The following NAALADL2 variants were observed in gnomAD, a reference collection of about 807,000 sequenced individuals.
NAALADL2 encodes N-acetylated alpha-linked acidic dipeptidase like 2.
In NAALADL2, 76 loss-of-function variants were observed where a neutral mutation model predicts 87.2. That is an observed-to-expected ratio of 0.87 (90% CI 0.72 to 1.05). The LOEUF is 1.05. Ranked by LOEUF, NAALADL2 falls within the 50% of genes least tolerant of loss-of-function variation. NAALADL2 has a pLI of 0.00. For synonymous variants in NAALADL2, 354 were observed against 331.0 expected (o/e 1.07, Z -0.75); for missense variants, 1,089 against 945.8 (o/e 1.15, Z -1.99).
chr3:174,450,204 G>A (rs751748062), intron 1 of NAALADL2, among the ~76,000 whole-genome samples: 22 of 152,280 alleles, frequency 1.4e-4, no homozygotes, highest in Non-Finnish European at 1.9e-4. Context: ...TCTAGGTCCT[G>A]CTGCTTGCCA....
chr3:175,239,170 A>G (rs1560212272), intron 3 of NAALADL2, among the ~76,000 whole-genome samples: 4 of 152,178 alleles, frequency 2.6e-5, no homozygotes, highest in Non-Finnish European at 4.4e-5. Context: ...AGTTTACCCC[A>G]TCATAATGAC....
chr3:175,474,322 AT>A (rs1320871987), intron 9 of NAALADL2, among the ~76,000 whole-genome samples: 1 of 152,176 alleles, frequency 6.6e-6, no homozygotes, highest in African/African-American at 2.4e-5. Flanking sequence ...ACTGCATTTA[AT>A]TTTTTATAAG....
At chr3:174,785,400 C>T (rs1033128344) in intron 3 of NAALADL2, among the ~76,000 whole-genome samples, 1 of 152,130 alleles carries the variant, frequency 6.6e-6, no homozygotes, top group Non-Finnish European at 1.5e-5. Flanking sequence ...AAATAAGGAG[C>T]TCTTTCACCA....
intron 4 of NAALADL2, among the ~76,000 whole-genome samples, chr3:175,287,040 C>T (rs11916945): frequency 0.59 from 88,050 of 149,808 alleles, 27,471 homozygotes; most frequent in African/African-American, 0.8. Context: ...GGCCAGCAGG[C>T]TGAGGCTGCA....
At chr3:174,550,105 T>C (rs1274840599) in intron 1 of NAALADL2, among the ~76,000 whole-genome samples, 2 of 152,130 alleles carry the variant, frequency 1.3e-5, no homozygotes, top group Non-Finnish European at 2.9e-5. Flanking sequence ...AATTTTCAGA[T>C]TGGTTAAATG....
chr3:174,696,125 C>A (rs565334), intron 2 of NAALADL2, among the ~76,000 whole-genome samples: 65,111 of 151,794 alleles, frequency 0.43, 14,842 homozygotes, highest in East Asian at 0.73. Flanking sequence ...GATATGTTAC[C>A]TAATTCTGGA....
chr3:175,579,012 A>G (rs1232783315), intron 10 of NAALADL2, among the ~76,000 whole-genome samples: 1 of 152,206 alleles, frequency 6.6e-6, no homozygotes. Flanking sequence ...TGGCCCCTGT[A>G]GGGACTGAGC....
intron 1 of NAALADL2, among the ~76,000 whole-genome samples, chr3:174,986,110 TAGC>T (rs1560443831): frequency 6.6e-6 from 1 of 151,774 alleles, no homozygotes; most frequent in Admixed American, 6.6e-5. Context: ...TTTGAAATCT[TAGC>T]AGGTTATATA....
At chr3:174,874,340 C>T (rs547183937) in intron 1 of NAALADL2, among the ~76,000 whole-genome samples, 1 of 152,298 alleles carries the variant, frequency 6.6e-6, no homozygotes, top group South Asian at 2.1e-4. Flanking sequence ...ACTACAGTCT[C>T]CCCTACTGAT....
chr3:175,755,549 G>T, intron 13 of NAALADL2, 131 bp downstream of exon 13: 3 of 569,616 alleles, frequency 5.3e-6, no homozygotes, highest in Non-Finnish European at 8.2e-6. Flanking sequence ...CTCATTTGAG[G>T]AACTTCCCCC....
In NAALADL2 at chr3:175,575,962, A is replaced by G; in HGVS notation, c.1654-79A>G. 3.4e-6 allele frequency: 4 copies of G among 1,177,070 alleles called. No individual in the cohort carries two copies. The South Asian group carries it at 6.1e-5, about 18-fold the overall frequency. The allele number at this position is 1,177,070 out of a possible 1,614,324, so 72.9% of individuals were successfully genotyped here. A position where few individuals can be genotyped will look rare whatever the true frequency, so the allele number is the denominator to read the frequency against. The stretch of plus-strand genomic sequence containing the variant: ...AGACATTGATGCTGCTGATCTGTGG[A>G]CCATGTTTTGAGTAGCACTGATCTA... On this transcript the variant is annotated intron_variant, in intron 9 of 13. Coordinates refer to ENST00000454872, the MANE Select transcript of NAALADL2 (RefSeq NM_207015.3).
At chr3:175,350,377 T>C (rs952078860) in intron 5 of NAALADL2, among the ~76,000 whole-genome samples, 3 of 152,042 alleles carry the variant, frequency 2.0e-5, no homozygotes, top group African/African-American at 7.2e-5. Context: ...TGAGGGAAAA[T>C]GAGAAGTGTA....
intron 6 of NAALADL2, among the ~76,000 whole-genome samples, chr3:175,450,870 G>T (rs900015227): frequency 6.6e-6 from 1 of 152,298 alleles, no homozygotes; most frequent in Admixed American, 6.5e-5. Context: ...GTAATGACTT[G>T]CTTCATCATT....
chr3:175,625,969 C>T (rs548526889), intron 10 of NAALADL2, among the ~76,000 whole-genome samples: 2 of 152,066 alleles, frequency 1.3e-5, no homozygotes, highest in Admixed American at 1.3e-4. Flanking sequence ...TTGCTACTAA[C>T]CCTATGTGAC....
At chr3:175,363,404 A>T (rs1388890934) in intron 5 of NAALADL2, among the ~76,000 whole-genome samples, 3 of 147,776 alleles carry the variant, frequency 2.0e-5, no homozygotes, top group Non-Finnish European at 4.5e-5. Context: ...CTTTCTATTT[A>T]AACATAAAAT....
Position 175,576,039 on chromosome 3 carries a change from AG to A in NAALADL2, c.1654-1del. Reference sequence around the variant, plus strand: ...GTTAACAATTTAAATTATGTTTTTCAGAAAAATAATTTCAACTGTACCAGAA... The same window carrying A: ...GTTAACAATTTAAATTATGTTTTTCAAAAAATAATTTCAACTGTACCAGAA... On this transcript the variant is annotated splice_acceptor_variant, in intron 9 of 13. Transcript: ENST00000454872. LOFTEE classifies it high-confidence loss of function. 1 of 1,609,414 alleles carries A rather than the reference AG, an allele frequency of 6.2e-7. No individual in the cohort carries two copies. Among genetic ancestry groups the A allele is most frequent in the South Asian group, 1.1e-5 (1 of 90,396 alleles).
intron 9 of NAALADL2, among the ~76,000 whole-genome samples, chr3:175,527,980 T>C: frequency 6.6e-6 from 1 of 152,124 alleles, no homozygotes. Context: ...TTGTTGATTC[T>C]CAAGAGATAA....
Position 175,309,980 on chromosome 3 carries a change from A to T in NAALADL2, c.940-14195A>T, listed in dbSNP as rs77634607. On this transcript the variant is annotated intron_variant, in intron 4 of 13. Transcript: ENST00000454872. ...TCAGTCCAGTGTTTTTTCATCTGCT[A>T]ATGTTGCTGGCAGGCCAAACAACAG... 4.1e-3 allele frequency among the ~76,000 whole-genome samples: 619 copies of T among 152,304 alleles called. 5 individuals carry two copies. The highest frequency in any genetic ancestry group is 0.017 in the Middle Eastern group (5 of 290).
intron 12 of NAALADL2, among the ~76,000 whole-genome samples, chr3:175,743,064 G>C (rs577874790): frequency 2.0e-5 from 3 of 151,564 alleles, no homozygotes; most frequent in Non-Finnish European, 4.4e-5. Context: ...GGTGCTGCGC[G>C]ATCTCCGCTC....
Sources: allele counts gnomAD v4.1 joint callset (sites outside exome capture counted in the v4.1 genomes callset), GRCh38; gene constraint gnomAD v4.1.1; transcripts MANE v1.5; gene names NCBI Gene and HGNC (gene_info 2026-07-23, HGNC 2026-07-21).